Variants in UBE2D1 observed in about 807,000 individuals in gnomAD.
UBE2D1 encodes ubiquitin conjugating enzyme E2 D1.
UBE2D1 carries 9 observed loss-of-function variants against 24.6 expected under a neutral mutation model. The ratio of observed to expected loss-of-function variants is 0.37; its 90% CI spans 0.22 to 0.64. The LOEUF (loss-of-function observed/expected upper bound fraction) is 0.64, where lower values mean the gene tolerates loss of function less well. Ranked by LOEUF, UBE2D1 falls within the 30% of genes least tolerant of loss-of-function variation. UBE2D1 has a pLI of 0.64. For missense variants in UBE2D1, 87 were observed against 177.1 expected (o/e 0.49, Z 2.89); for synonymous variants, 57 against 57.6 (o/e 0.99, Z 0.04).
intron 1 of UBE2D1, among the ~76,000 whole-genome samples, chr10:58,345,888 A>G (rs1205107678): frequency 6.6e-6 from 1 of 152,186 alleles, no homozygotes; most frequent in East Asian, 1.9e-4. Context: ...GGAATCGTTC[A>G]GAAACAGTAG....
At chr10:58,351,178 T>TAC (rs1287932333) in intron 1 of UBE2D1, among the ~76,000 whole-genome samples, 1 of 152,228 alleles carries the variant, frequency 6.6e-6, no homozygotes. Flanking sequence ...ATAAACACTG[T>TAC]ACATACACTT....
At chr10:58,357,444 A>G (rs1840143941) in intron 1 of UBE2D1, among the ~76,000 whole-genome samples, 1 of 152,178 alleles carries the variant, frequency 6.6e-6, no homozygotes, top group Admixed American at 6.5e-5. Flanking sequence ...TCTGTCATCT[A>G]AAAGTACACT....
intron 1 of UBE2D1, among the ~76,000 whole-genome samples, chr10:58,341,677 C>A (rs746075951): frequency 1.3e-5 from 2 of 152,100 alleles, no homozygotes; most frequent in Non-Finnish European, 2.9e-5. Context: ...AGCAAAATAG[C>A]GTCCTTACTC....
Position 58,364,820 on chromosome 10 carries a change from G to A in UBE2D1, c.248G>A (p.Ser83Asn). The A allele has an allele frequency of 1.2e-6, 2 of 1,613,704 alleles. No individual in the cohort carries two copies. Among genetic ancestry groups the A allele is most frequent in the Non-Finnish European group, 1.7e-6 (2 of 1,179,832 alleles). Residue 83 changes from serine to asparagine, a missense_variant, in exon 5 of 7, where the codon AGT (serine) becomes AAT (asparagine). Coordinates refer to ENST00000373910, the MANE Select transcript of UBE2D1 (RefSeq NM_003338.5). ...CATCCAAACATAAACAGTAATGGAA[G>A]TATTTGTCTCGATATTCTGAGGTCA... ...IYHPNINSNG[S>N]ICLDILRSQW...
chr10:58,364,635 G>C, intron 4 of UBE2D1, 136 bp from the exon 5 acceptor site: 1 of 619,240 alleles, frequency 1.6e-6, no homozygotes, highest in Non-Finnish European at 2.8e-6. Context: ...ATAATTATTT[G>C]ATTTGTGTTG....
chr10:58,335,846 A>G (rs902181523), intron 1 of UBE2D1, among the ~76,000 whole-genome samples: 1 of 152,198 alleles, frequency 6.6e-6, no homozygotes, highest in Non-Finnish European at 1.5e-5. Context: ...TTCAGGTCAC[A>G]TAGCTGTAGC....
intron 1 of UBE2D1, among the ~76,000 whole-genome samples, chr10:58,343,333 T>G (rs1389606923): frequency 6.6e-6 from 1 of 152,110 alleles, no homozygotes; most frequent in Non-Finnish European, 1.5e-5. Context: ...TAAAATGGAA[T>G]AGAAAATATT....
chr10:58,355,286 A>G (rs1039403809), intron 1 of UBE2D1, among the ~76,000 whole-genome samples: 6 of 152,214 alleles, frequency 3.9e-5, no homozygotes, highest in Admixed American at 1.3e-4. Context: ...TAGATAATGA[A>G]AAGATGTTCA....
intron 4 of UBE2D1, 78 bp downstream of exon 4, chr10:58,363,764 G>C (rs1173825084): frequency 9.3e-7 from 1 of 1,080,186 alleles, no homozygotes; most frequent in Non-Finnish European, 1.3e-6. Context: ...TGATTATCTA[G>C]AGCTCATTTG....
At chr10:58,365,716 A>G (rs1165968699) in intron 5 of UBE2D1, among the ~76,000 whole-genome samples, 1 of 152,216 alleles carries the variant, frequency 6.6e-6, no homozygotes, top group Non-Finnish European at 1.5e-5. Context: ...AGAACCTGAC[A>G]GTTGGAAAAT....
chr10:58,345,353 TA>T (rs1840005117), intron 1 of UBE2D1, among the ~76,000 whole-genome samples: 1 of 152,134 alleles, frequency 6.6e-6, no homozygotes. Context: ...CACGTGCCTG[TA>T]GTCTCAGCTA....
At chr10:58,364,254 T>C (rs568911030) in intron 4 of UBE2D1, among the ~76,000 whole-genome samples, 1 of 152,280 alleles carries the variant, frequency 6.6e-6, no homozygotes, top group Non-Finnish European at 1.5e-5. Flanking sequence ...TTATTTTAAA[T>C]AGTTAAAAAC....
Position 58,368,809 on chromosome 10 carries a change from A to G in UBE2D1, c.*44A>G. ...TATATACCAGAGTACTGTAAAATCT[A>G]GGTTTTTTTCAACATTAGCAGTAAA... On this transcript the variant is annotated 3_prime_UTR_variant, in exon 7 of 7. Coordinates refer to ENST00000373910, the MANE Select transcript of UBE2D1 (RefSeq NM_003338.5). 7.0e-7 allele frequency: 1 copy of G among 1,427,410 alleles called. No homozygotes were observed. The highest frequency in any genetic ancestry group is 9.5e-7 in the Non-Finnish European group (1 of 1,048,466). 88.4% of individuals were successfully genotyped at this position (1,427,410 alleles called of 1,614,324 possible).
At chr10:58,347,717 G>A (rs754741885) in intron 1 of UBE2D1, among the ~76,000 whole-genome samples, 47 of 144,228 alleles carry the variant, frequency 3.3e-4, no homozygotes, top group South Asian at 8.6e-4. Flanking sequence ...GCACAATCTC[G>A]GCTTGCTGCA....
chr10:58,349,639 T>C (rs561755407), intron 1 of UBE2D1, among the ~76,000 whole-genome samples: 2 of 152,298 alleles, frequency 1.3e-5, no homozygotes, highest in African/African-American at 4.8e-5. Context: ...TTATTCGTTG[T>C]GGCAAAATAC....
intron 1 of UBE2D1, among the ~76,000 whole-genome samples, chr10:58,350,648 T>C (rs1227240421): frequency 6.6e-6 from 1 of 152,214 alleles, no homozygotes; most frequent in Non-Finnish European, 1.5e-5. Flanking sequence ...TTGTTAGTGC[T>C]CTTTGTGTCC....
At chr10:58,335,744 A>G (rs58770767) in intron 1 of UBE2D1, among the ~76,000 whole-genome samples, 2 of 152,352 alleles carry the variant, frequency 1.3e-5, no homozygotes, top group African/African-American at 2.4e-5. Context: ...GCTCTTGCTC[A>G]GTTGCCCGAA....
At chr10:58,347,396 T>C (rs1460031357) in intron 1 of UBE2D1, among the ~76,000 whole-genome samples, 2 of 152,188 alleles carry the variant, frequency 1.3e-5, no homozygotes, top group Non-Finnish European at 2.9e-5. Context: ...TACTTTGGAT[T>C]TGTCTAAAAT....
rs1196185729 is a variant in UBE2D1 at position 58,335,051 on chromosome 10, C to T, written c.-151C>T. 6.4e-6 allele frequency: 5 copies of T among 784,622 alleles called. No homozygotes were observed. The highest frequency in any genetic ancestry group is 1.0e-5 in the Non-Finnish European group (5 of 499,574). 48.6% of individuals were successfully genotyped at this position (784,622 alleles called of 1,614,324 possible). A position where few individuals can be genotyped will look rare whatever the true frequency, so the allele number is the denominator to read the frequency against. On this transcript the variant is annotated 5_prime_UTR_variant, in exon 1 of 7. Coordinates refer to ENST00000373910, the MANE Select transcript of UBE2D1 (RefSeq NM_003338.5). ...GCTCGGGCGCACACGGAGCAGGGAC[C>T]GGCGCCCGGAGCGAGCCAGGGAGCG...
Sources: allele counts gnomAD v4.1 joint callset (sites outside exome capture counted in the v4.1 genomes callset), GRCh38; gene constraint gnomAD v4.1.1; transcripts MANE v1.5; gene names NCBI Gene and HGNC (gene_info 2026-07-23, HGNC 2026-07-21).